Variants in ZNF33A observed in about 807,000 individuals in gnomAD.
ZNF33A encodes the protein brain my041 protein.
A neutral mutation model predicts 15.9 loss-of-function variants in ZNF33A; 9 were observed. That is an observed-to-expected ratio of 0.57 (90% CI 0.34 to 0.99). ZNF33A has a LOEUF of 0.99. Ranked by LOEUF, ZNF33A falls within the 50% of genes least tolerant of loss-of-function variation. ZNF33A has a pLI of 0.02. For synonymous variants in ZNF33A, 294 were observed against 324.2 expected (o/e 0.91, Z 1.00); for missense variants, 843 against 941.6 (o/e 0.90, Z 1.37).
chr10:38,042,880 T>G (rs926181203), intron 4 of ZNF33A, among the ~76,000 whole-genome samples: 4 of 152,212 alleles, frequency 2.6e-5, no homozygotes, highest in African/African-American at 9.6e-5. Flanking sequence ...CATTGCATTT[T>G]TATATGTTAT....
chr10:38,030,860 T>TA (rs1366183891), intron 4 of ZNF33A, among the ~76,000 whole-genome samples: 3 of 152,202 alleles, frequency 2.0e-5, no homozygotes, highest in Non-Finnish European at 2.9e-5. Flanking sequence ...AGCAGCCAAT[T>TA]ACCACAAATG....
chr10:38,035,632 A>G (rs1400536084), intron 4 of ZNF33A, among the ~76,000 whole-genome samples: 2 of 152,088 alleles, frequency 1.3e-5, no homozygotes, highest in East Asian at 1.9e-4. Context: ...CATTGATACT[A>G]TTTTTTACAT....
chr10:38,057,094 C>G lies in ZNF33A; in HGVS notation c.*534C>G, dbSNP rs779027873. On this transcript the variant is annotated 3_prime_UTR_variant, in exon 5 of 5. Coordinates refer to ENST00000432900, the MANE Select transcript of ZNF33A (RefSeq NM_006954.2). ...TAGATAGAGACTTAGTCAGATTTTA[C>G]TATGGTTTGCATGCACTCTGTGTGT... 49 of 687,162 alleles carry G rather than the reference C, an allele frequency of 7.1e-5. No individual in the cohort carries two copies. Among genetic ancestry groups the G allele is most frequent in the Non-Finnish European group, 8.4e-5 (47 of 556,932 alleles). The allele number at this position is 687,162 out of a possible 1,614,324, so 42.6% of individuals were successfully genotyped here.
At position 38,015,983 on chromosome 10, in the gene ZNF33A, A is replaced by G. The variant is rs1453616268; in HGVS notation, c.10-888A>G. On this transcript the variant is annotated intron_variant, in intron 2 of 4. Transcript: ENST00000432900. ...TTTTCACAGCAGTGATCCCTAAAAG[A>G]TGTGCCCTAGAGGATATCCAGAACA... is the stretch of plus-strand genomic sequence containing the variant. The G allele has an allele frequency of 3.2e-5, 39 of 1,231,358 alleles. 1 individual carries two copies. Among genetic ancestry groups the G allele is most frequent in the Admixed American group, 8.4e-5 (2 of 23,684 alleles). The allele number at this position is 1,231,358 out of a possible 1,614,324, so 76.3% of individuals were successfully genotyped here. A position where few individuals can be genotyped will look rare whatever the true frequency, so the allele number is the denominator to read the frequency against.
chr10:38,043,119 G>C (rs1283893263), intron 4 of ZNF33A, among the ~76,000 whole-genome samples: 1 of 151,478 alleles, frequency 6.6e-6, no homozygotes, highest in Non-Finnish European at 1.5e-5. Context: ...AAGTTTTTTT[G>C]GTTTCTATTT....
intron 4 of ZNF33A, among the ~76,000 whole-genome samples, chr10:38,018,286 G>A (rs2738209): frequency 0.88 from 133,392 of 152,126 alleles, 58,611 homozygotes; most frequent in South Asian, 0.94. Flanking sequence ...TTAGAGCAGA[G>A]ATTTGAATGA....
At chr10:38,052,019 A>G (rs2066232277) in intron 4 of ZNF33A, among the ~76,000 whole-genome samples, 1 of 152,184 alleles carries the variant, frequency 6.6e-6, no homozygotes, top group Admixed American at 6.5e-5. Context: ...TACAATTGAC[A>G]TTGTATATAA....
At chr10:38,030,587 A>G (rs73244300) in intron 4 of ZNF33A, among the ~76,000 whole-genome samples, 1,681 of 152,258 alleles carry the variant, frequency 0.011, 40 homozygotes, top group African/African-American at 0.038. Context: ...AAGAGTGTAA[A>G]AAGGAGTTTA....
Position 38,054,856 on chromosome 10 carries a change from G to A in ZNF33A, c.732G>A (p.Glu244=). 1 of 1,613,444 alleles carries A rather than the reference G, an allele frequency of 6.2e-7. No homozygotes were observed. The highest frequency in any genetic ancestry group is 1.1e-5 in the South Asian group (1 of 91,088). The part of the protein sequence containing the change: ...FNTQKRENAE[E]NNCDYNEFGR... ...CACAGAAGAGAGAGAACGCAGAAGAGAATAACTGTGATTATAATGAATTTG... is the reference window on the plus strand; with the variant it reads ...CACAGAAGAGAGAGAACGCAGAAGAAAATAACTGTGATTATAATGAATTTG... Residue 244 remains glutamate, a synonymous_variant, in exon 5 of 5, where the codon GAG becomes GAA. Transcript: ENST00000432900.
chr10:38,019,893 C>T (rs2064659484), intron 4 of ZNF33A, among the ~76,000 whole-genome samples: 1 of 152,118 alleles, frequency 6.6e-6, no homozygotes, highest in African/African-American at 2.4e-5. Flanking sequence ...AGTGGGAACA[C>T]TTAAGACAAT....
At chr10:38,031,386 A>G (rs887297200) in intron 4 of ZNF33A, among the ~76,000 whole-genome samples, 10 of 152,068 alleles carry the variant, frequency 6.6e-5, no homozygotes, top group African/African-American at 2.2e-4. Context: ...CCTGGGCAAC[A>G]TGGTGAAAAC....
rs2066498037 is a variant in ZNF33A at position 38,056,586 on chromosome 10, C to T, written c.*26C>T. On this transcript the variant is annotated 3_prime_UTR_variant, in exon 5 of 5. Transcript: ENST00000432900. ...CTATCCACAAACTCACCTTATGTTA[C>T]TCCAAAGTAATAGTAGGGGATAAAC... The T allele has an allele frequency of 1.3e-6, 2 of 1,532,276 alleles. No homozygotes were observed. 94.9% of individuals were successfully genotyped at this position (1,532,276 alleles called of 1,614,324 possible). A position where few individuals can be genotyped will look rare whatever the true frequency, so the allele number is the denominator to read the frequency against.
intron 1 of ZNF33A, among the ~76,000 whole-genome samples, chr10:38,011,179 T>A (rs77552914): frequency 0.019 from 2,897 of 152,336 alleles, 46 homozygotes; most frequent in Non-Finnish European, 0.03. Flanking sequence ...ACGTATTGCA[T>A]TCATCCTCTT....
intron 1 of ZNF33A, 83 bp downstream of exon 1, chr10:38,010,866 G>A: frequency 6.5e-7 from 1 of 1,549,162 alleles, no homozygotes; most frequent in Non-Finnish European, 8.8e-7. Flanking sequence ...GGTACCAAGT[G>A]GTGGGGAGGA....
intron 2 of ZNF33A, chr10:38,015,949 G>A (rs1590453936): frequency 8.2e-7 from 1 of 1,223,120 alleles, no homozygotes; most frequent in East Asian, 3.2e-5. Flanking sequence ...CTCATCTTTG[G>A]CTCTCCCATT....
chr10:38,025,280 T>C (rs1386985323), intron 4 of ZNF33A, among the ~76,000 whole-genome samples: 7 of 152,126 alleles, frequency 4.6e-5, no homozygotes, highest in Non-Finnish European at 7.4e-5. Context: ...TATAGAATGA[T>C]GGAAAAGAAT....
chr10:38,024,175 A>AG (rs2064879170), intron 4 of ZNF33A, among the ~76,000 whole-genome samples: 4 of 144,676 alleles, frequency 2.8e-5, no homozygotes, highest in Non-Finnish European at 4.5e-5. Context: ...AAAAAAAAAA[A>AG]AAAAAAGAAA....
At chr10:38,017,080 G>C in intron 3 of ZNF33A, 65 bp downstream of exon 3, 1 of 1,564,442 alleles carries the variant, frequency 6.4e-7, no homozygotes, top group Non-Finnish European at 8.7e-7. Context: ...TGAAGCGTAT[G>C]GGCAGTCTGT....
intron 2 of ZNF33A, among the ~76,000 whole-genome samples, chr10:38,015,328 G>A (rs2064400398): frequency 6.6e-6 from 1 of 150,422 alleles, no homozygotes; most frequent in Admixed American, 6.6e-5. Context: ...TTTTGAGTTG[G>A]AGTTTTGCTC....
Sources: allele counts gnomAD v4.1 joint callset (sites outside exome capture counted in the v4.1 genomes callset), GRCh38; gene constraint gnomAD v4.1.1; transcripts MANE v1.5; gene names NCBI Gene and HGNC (gene_info 2026-07-23, HGNC 2026-07-21).